Variants in YTHDC2 observed in about 807,000 individuals in gnomAD.
YTHDC2 encodes the protein YTH N6-methyladenosine RNA binding protein C2.
In YTHDC2, 45 loss-of-function variants were observed where a neutral mutation model predicts 174.9. The observed-to-expected ratio is 0.26, with a 90% CI of 0.20 to 0.33. The LOEUF is 0.33. Ranked by LOEUF, YTHDC2 falls within the 10% of genes least tolerant of loss-of-function variation. The pLI is 1.00. For synonymous variants in YTHDC2, 657 were observed against 574.5 expected (o/e 1.14, Z -2.05); for missense variants, 1,650 against 1,723.7 (o/e 0.96, Z 0.76).
At position 113,594,230 on chromosome 5, in the gene YTHDC2, G is replaced by A. The variant is rs1544936; in HGVS notation, c.*756G>A. ...CTCTTCCTCCCTTCCTCCTCTCCCCGCTCCTTTCCTGCATTTCTCCCTCCC... is the reference window on the plus strand; with the variant it reads ...CTCTTCCTCCCTTCCTCCTCTCCCCACTCCTTTCCTGCATTTCTCCCTCCC... On this transcript the variant is annotated 3_prime_UTR_variant, in exon 30 of 30. Coordinates refer to ENST00000161863, the MANE Select transcript of YTHDC2 (RefSeq NM_022828.5). The A allele has an allele frequency of 1, 152,215 of 152,350 alleles. 76,041 individuals carry two copies. Among genetic ancestry groups the A allele is most frequent in the Middle Eastern group, 1 (376 of 376 alleles). 9.4% of individuals were successfully genotyped at this position (152,350 alleles called of 1,614,324 possible). A position where few individuals can be genotyped will look rare whatever the true frequency, so the allele number is the denominator to read the frequency against.
chr5:113,517,026 T>A (rs1437991174), intron 2 of YTHDC2, among the ~76,000 whole-genome samples: 1 of 152,190 alleles, frequency 6.6e-6, no homozygotes, highest in African/African-American at 2.4e-5. Context: ...CAATACTTTA[T>A]CCAGAAACAC....
intron 26 of YTHDC2, among the ~76,000 whole-genome samples, chr5:113,588,044 T>G (rs942055704): frequency 6.6e-6 from 1 of 152,140 alleles, no homozygotes; most frequent in African/African-American, 2.4e-5. Flanking sequence ...ATTGCAGGTA[T>G]TCATTGTTAG....
chr5:113,589,408 A>AAAAAAAAAATATATATATATAT (rs368975720), intron 26 of YTHDC2, among the ~76,000 whole-genome samples: 1 of 123,260 alleles, frequency 8.1e-6, no homozygotes, highest in African/African-American at 3.4e-5. Context: ...AAAAAAAAAA[A>AAAAAAAAAATATATATATATAT]ATATATATAT....
At chr5:113,544,403 C>T (rs1297925374) in intron 10 of YTHDC2, among the ~76,000 whole-genome samples, 2 of 152,124 alleles carry the variant, frequency 1.3e-5, no homozygotes, top group African/African-American at 4.8e-5. Flanking sequence ...CCTGCCTCAG[C>T]CTCCCAAAGT....
At chr5:113,537,527 C>T (rs1395117524) in intron 7 of YTHDC2, among the ~76,000 whole-genome samples, 1 of 151,702 alleles carries the variant, frequency 6.6e-6, no homozygotes, top group Non-Finnish European at 1.5e-5. Context: ...TAGAATTATT[C>T]CCTTGATCCG....
At chr5:113,582,490 G>C (rs937825650) in intron 25 of YTHDC2, 1 of 152,040 alleles carries the variant, frequency 6.6e-6, no homozygotes, top group African/African-American at 2.4e-5. Flanking sequence ...AGTGTTTCTG[G>C]TTATAAAAAC....
rs538288540 is a variant in YTHDC2, at chr5:113,568,403, A to T, written c.3244+554A>T. Among the ~76,000 whole-genome samples, 3 of 152,254 alleles carry T rather than the reference A, an allele frequency of 2.0e-5. No individual in the cohort carries two copies. The East Asian group carries it at 5.8e-4, about 29-fold the overall frequency. ...TTAAGTTCAGGGGTACATGTGCAAG[A>T]TGTGCAGTTTTGTTGCATAGGTAAA... On this transcript the variant is annotated intron_variant, in intron 23 of 29. Coordinates refer to ENST00000161863, the MANE Select transcript of YTHDC2 (RefSeq NM_022828.5).
intron 7 of YTHDC2, among the ~76,000 whole-genome samples, chr5:113,537,619 C>T (rs543168828): frequency 3.3e-5 from 5 of 151,404 alleles, no homozygotes; most frequent in African/African-American, 9.7e-5. Context: ...CTGCCCTATG[C>T]TATACTCTAC....
intron 17 of YTHDC2, among the ~76,000 whole-genome samples, chr5:113,557,983 T>A (rs1776725837): frequency 6.6e-6 from 1 of 152,184 alleles, no homozygotes; most frequent in Non-Finnish European, 1.5e-5. Flanking sequence ...GCAGTCCATG[T>A]GGGAGTCCAG....
At chr5:113,584,220 T>G in intron 25 of YTHDC2, 82 bp from the exon 26 acceptor site, 2 of 1,206,238 alleles carry the variant, frequency 1.7e-6, no homozygotes, top group African/African-American at 1.5e-5. Context: ...GCATCTGCTT[T>G]GTATTATAAA....
At chr5:113,586,066 T>C (rs1778666145) in intron 26 of YTHDC2, among the ~76,000 whole-genome samples, 1 of 152,082 alleles carries the variant, frequency 6.6e-6, no homozygotes, top group African/African-American at 2.4e-5. Flanking sequence ...TATATTTAGC[T>C]TTACAAGAAA....
intron 23 of YTHDC2, among the ~76,000 whole-genome samples, chr5:113,578,177 G>A (rs1778183318): frequency 6.6e-6 from 1 of 151,698 alleles, no homozygotes; most frequent in African/African-American, 2.4e-5. Flanking sequence ...TTGTGTGTGT[G>A]TATCTGTGTG....
Position 113,586,865 on chromosome 5 carries a change from C to A in YTHDC2, c.3825+2386C>A, listed in dbSNP as rs898254258. Among the ~76,000 whole-genome samples, 26 of 139,350 alleles carry A rather than the reference C, an allele frequency of 1.9e-4. No individual in the cohort carries two copies. The East Asian group carries it at 3.8e-3, about 20-fold the overall frequency. 91.4% of individuals were successfully genotyped at this position (139,350 alleles called of 152,430 possible). On this transcript the variant is annotated intron_variant, in intron 26 of 29. Coordinates refer to ENST00000161863, the MANE Select transcript of YTHDC2 (RefSeq NM_022828.5). ...CAGTTTCATTAATATCTCTCTCTCT[C>A]TCTCTCTCTATATATATATATAATA...
rs139451175 is a variant in YTHDC2 at position 113,554,775 on chromosome 5, A to T, written c.2133+753A>T. Among the ~76,000 whole-genome samples the T allele has an allele frequency of 1.9e-3, 282 of 151,950 alleles. 2 individuals are homozygous for T. The highest frequency in any genetic ancestry group is 0.013 in the East Asian group (68 of 5,176). On this transcript the variant is annotated intron_variant, in intron 16 of 29. Transcript: ENST00000161863. ...AAAAAGCCATTTATTTCCTTTTAGTACTGGAATGCCCAGCAGTTGTCCATG... is the reference window on the plus strand; with the variant it reads ...AAAAAGCCATTTATTTCCTTTTAGTTCTGGAATGCCCAGCAGTTGTCCATG...
At chr5:113,521,646 G>A (rs1773865589) in intron 2 of YTHDC2, among the ~76,000 whole-genome samples, 1 of 151,530 alleles carries the variant, frequency 6.6e-6, no homozygotes, top group Non-Finnish European at 1.5e-5. Context: ...CAGGAGAACT[G>A]CTTGAACCCA....
intron 17 of YTHDC2, among the ~76,000 whole-genome samples, chr5:113,556,906 T>A (rs1277224533): frequency 6.6e-6 from 1 of 152,178 alleles, no homozygotes; most frequent in African/African-American, 2.4e-5. Flanking sequence ...AATACTGAAG[T>A]GATTAAATAA....
intron 1 of YTHDC2, among the ~76,000 whole-genome samples, chr5:113,515,068 A>G (rs1319696663): frequency 6.6e-6 from 1 of 152,168 alleles, no homozygotes; most frequent in East Asian, 1.9e-4. Flanking sequence ...GAATTCTGAT[A>G]GACATTCAGT....
intron 26 of YTHDC2, among the ~76,000 whole-genome samples, chr5:113,589,429 A>ATATATATATG (rs1554103546): frequency 5.8e-5 from 8 of 138,290 alleles, no homozygotes; most frequent in African/African-American, 2.0e-4. Context: ...ATATATATAT[A>ATATATATATG]TATGTATATA....
Position 113,540,994 on chromosome 5 carries a change from G to C in YTHDC2, c.1237G>C (p.Glu413Gln), listed in dbSNP as rs747564159. 11 of 1,613,712 alleles carry C rather than the reference G, an allele frequency of 6.8e-6. No homozygotes were observed. Among genetic ancestry groups the C allele is most frequent in the Non-Finnish European group, 7.6e-6 (9 of 1,179,886 alleles). ...QEEKQQTTLT[E>Q]WYSAQENSFK... Reference sequence around the variant, plus strand: ...AGAGAAACAACAAACCACACTTACAGAATGGTACTCAGCTCAAGAAAATAG... The same window carrying C: ...AGAGAAACAACAAACCACACTTACACAATGGTACTCAGCTCAAGAAAATAG... The change falls in exon 9 of 30, where the codon GAA becomes CAA. Residue 413 changes from glutamate (E) to glutamine (Q), a missense_variant. Around this residue, in one of 5 missense-constraint regions of YTHDC2, gnomAD observed 411 missense variants for 380.6 expected, o/e 1.08. Transcript: ENST00000161863.
Sources: allele counts gnomAD v4.1 joint callset (sites outside exome capture counted in the v4.1 genomes callset), GRCh38; gene constraint gnomAD v4.1.1; regional missense constraint gnomAD v4.1.1; transcripts MANE v1.5; gene names NCBI Gene and HGNC (gene_info 2026-07-23, HGNC 2026-07-21).